The following RTL4 variants were observed in gnomAD, a reference collection of about 807,000 sequenced individuals.
The protein encoded by RTL4 is retrotransposon Gag like 4, also known as retrotransposon Gag-like protein 4.
Under a neutral mutation model 5.3 loss-of-function variants are expected in RTL4, and 4 were observed. The observed-to-expected ratio is 0.75, with a 90% CI of 0.37 to 1.72. The LOEUF (loss-of-function observed/expected upper bound fraction) is 1.72, where lower values mean the gene tolerates loss of function less well. RTL4 is among the 40% of genes most tolerant of loss of function. The pLI, the probability that RTL4 is intolerant of heterozygous loss-of-function variation, is 0.04. For synonymous variants in RTL4, 98 were observed against 87.3 expected, an observed-to-expected ratio of 1.12 and a Z score of -0.68; for missense variants, 260 against 227.1, an observed-to-expected ratio of 1.14 and a Z score of -0.93.
the RTL4 span, among the ~76,000 whole-genome samples, chrX:112,381,131 A>T: frequency 1.8e-5 from 2 of 110,210 alleles, no homozygotes; most frequent in African/African-American, 6.6e-5. Flanking sequence ...AAACTACGGG[A>T]GCTTTCCGCA....
chrX:112,169,074 T>C, the RTL4 span, among the ~76,000 whole-genome samples: 1 of 41,895 alleles, frequency 2.4e-5, no homozygotes, highest in Admixed American at 3.8e-4. Flanking sequence ...CTTTCTTTTT[T>C]CTTTCTTTCT....
the RTL4 span, among the ~76,000 whole-genome samples, chrX:112,438,007 A>G: frequency 9.0e-6 from 1 of 111,285 alleles, no homozygotes; most frequent in African/African-American, 3.3e-5. Flanking sequence ...CATTTTGGTC[A>G]TTTTTTAAAG....
chrX:112,427,165 A>G, the RTL4 span, among the ~76,000 whole-genome samples: 2 of 111,627 alleles, frequency 1.8e-5, no homozygotes, highest in Admixed American at 9.6e-5. Context: ...AATATTTCTT[A>G]TAAGCACAAA....
the RTL4 span, among the ~76,000 whole-genome samples, chrX:112,402,304 G>A: frequency 9.1e-6 from 1 of 110,348 alleles, no homozygotes; most frequent in Non-Finnish European, 1.9e-5. Flanking sequence ...CCTTCTCTCA[G>A]TATCTTGCAA....
chrX:112,310,663 T>C, the RTL4 span, among the ~76,000 whole-genome samples: 2 of 65,277 alleles, frequency 3.1e-5, no homozygotes, highest in Non-Finnish European at 5.0e-5. Context: ...TATATTAGTA[T>C]ATTTATGTAT....
chrX:112,240,829 G>A, the RTL4 span, among the ~76,000 whole-genome samples: 13 of 108,582 alleles, frequency 1.2e-4, no homozygotes, highest in East Asian at 2.9e-4. Context: ...TCCCCCCACC[G>A]CACGACAGAC....
chrX:112,441,055 G>A, the RTL4 span, among the ~76,000 whole-genome samples: 1 of 111,539 alleles, frequency 9.0e-6, no homozygotes, highest in Non-Finnish European at 1.9e-5. Flanking sequence ...GATATTATGA[G>A]CTTCACATTC....
the RTL4 span, among the ~76,000 whole-genome samples, chrX:112,295,885 A>G: frequency 4.4e-5 from 5 of 112,405 alleles, no homozygotes; most frequent in Non-Finnish European, 9.4e-5. Context: ...TTGTACCCAA[A>G]TGTCTCAGTT....
chrX:112,381,989 C>T, the RTL4 span: 1 of 1,208,398 alleles, frequency 8.3e-7, no homozygotes, highest in Admixed American at 2.2e-5. Context: ...GAGAGAGAAC[C>T]AGCAGTTCAA....
chrX:112,351,135 A>T, the RTL4 span, among the ~76,000 whole-genome samples: 105 of 111,426 alleles, frequency 9.4e-4, no homozygotes, highest in Non-Finnish European at 1.6e-3. Context: ...CCCACTAGTC[A>T]TTCAGGAGCA....
chrX:112,439,638 G>A, the RTL4 span, among the ~76,000 whole-genome samples: 11 of 112,060 alleles, frequency 9.8e-5, no homozygotes, highest in African/African-American at 3.6e-4. Flanking sequence ...GTTGGAGGTG[G>A]AGCCTGGTTG....
At chrX:112,228,939 T>G in the RTL4 span, among the ~76,000 whole-genome samples, 2 of 112,200 alleles carry the variant, frequency 1.8e-5, no homozygotes, top group Non-Finnish European at 3.8e-5. Context: ...ACCCACAGTC[T>G]TCTTCCACTG....
chrX:112,346,901 C>T, the RTL4 span, among the ~76,000 whole-genome samples: 3 of 111,510 alleles, frequency 2.7e-5, no homozygotes, highest in Non-Finnish European at 5.7e-5. Context: ...ACATCTGAAC[C>T]ACTGGAAAAT....
At chrX:112,264,768 C>G in the RTL4 span, among the ~76,000 whole-genome samples, 1 of 111,731 alleles carries the variant, frequency 9.0e-6, no homozygotes, top group South Asian at 3.8e-4. Flanking sequence ...CAGAAGGGGT[C>G]TGTGTGTCAT....
chrX:112,088,413 A>T, the RTL4 span, among the ~76,000 whole-genome samples: 21 of 111,796 alleles, frequency 1.9e-4, no homozygotes, highest in Non-Finnish European at 1.7e-4. Context: ...CAACCTACTG[A>T]TGTTCCATTG....
chrX:112,088,306 T>C, the RTL4 span, among the ~76,000 whole-genome samples: 11 of 110,193 alleles, frequency 1.0e-4, no homozygotes, highest in East Asian at 3.2e-3. Flanking sequence ...AGTCATACAA[T>C]GTCTACCCTT....
At chrX:112,177,388 A>G in the RTL4 span, among the ~76,000 whole-genome samples, 2 of 110,973 alleles carry the variant, frequency 1.8e-5, no homozygotes, top group Non-Finnish European at 3.8e-5. Context: ...GTGAGGTCAT[A>G]CCCCATAGTG....
chrX:112,422,184 T>C, the RTL4 span, among the ~76,000 whole-genome samples: 4 of 110,627 alleles, frequency 3.6e-5, no homozygotes, highest in African/African-American at 1.3e-4. Flanking sequence ...GTCCAATAAA[T>C]AATTAAAGTG....
At chrX:112,377,601 C>T in the RTL4 span, among the ~76,000 whole-genome samples, 1 of 111,886 alleles carries the variant, frequency 8.9e-6, no homozygotes, top group African/African-American at 3.3e-5. Flanking sequence ...ATCGTTAAGT[C>T]AAGGGCATCA....
Sources: allele counts gnomAD v4.1 joint callset (sites outside exome capture counted in the v4.1 genomes callset), GRCh38; gene constraint gnomAD v4.1.1; transcripts MANE v1.5; gene names NCBI Gene and HGNC (gene_info 2026-07-23, HGNC 2026-07-21).